MAST2: variants seen among roughly 807,000 people sequenced by gnomAD.
The protein encoded by MAST2 is microtubule associated serine/threonine kinase 2.
In MAST2, 70 loss-of-function variants were observed where a neutral mutation model predicts 147.4. The ratio of observed to expected loss-of-function variants is 0.47; its 90% CI spans 0.39 to 0.58. MAST2 has a LOEUF of 0.58. Among genes scored for constraint, MAST2 ranks in the 20% least tolerant of loss-of-function variants. MAST2 has a pLI of 0.00. For synonymous variants in MAST2, 869 were observed against 896.8 expected (o/e 0.97, Z 0.55); for missense variants, 2,080 against 2,302.3 (o/e 0.90, Z 1.98).
intron 3 of MAST2, among the ~76,000 whole-genome samples, chr1:45,874,624 G>T (rs1322617525): frequency 6.6e-6 from 1 of 152,172 alleles, no homozygotes; most frequent in East Asian, 1.9e-4. Flanking sequence ...ATAATAGTAT[G>T]AACCATTTAC....
In MAST2 at chr1:46,035,974, G is replaced by C. The variant is rs1446968425; in HGVS notation, c.5305G>C (p.Glu1769Gln). 3.7e-6 allele frequency: 6 copies of C among 1,613,936 alleles called. No individual in the cohort carries two copies. The South Asian group carries it at 6.6e-5, about 18-fold the overall frequency. The change falls in exon 29 of 29, where the codon GAG becomes CAG. Residue 1769 changes from glutamate to glutamine, a missense_variant. Glu to Gln is a conservative substitution (Grantham distance 29, BLOSUM62 2). Around this residue, in one of 4 missense-constraint regions of MAST2, gnomAD observed 1,278 missense variants for 1,304.2 expected, o/e 0.98. Coordinates refer to ENST00000361297, the MANE Select transcript of MAST2 (RefSeq NM_015112.3). The surrounding 1 kb of genome is among the most constrained non-coding windows in gnomAD (Gnocchi z 5.5). Reference protein sequence around the residue: ...CRGCPLTQKSEPSLRRGQEPG... With the variant: ...CRGCPLTQKSQPSLRRGQEPG... ...AGGCTGCCCCCTCACCCAGAAGTCTGAGCCCAGCCTCAGGAGGGGCCAAGA... is the reference window on the plus strand; with the variant it reads ...AGGCTGCCCCCTCACCCAGAAGTCTCAGCCCAGCCTCAGGAGGGGCCAAGA...
intron 4 of MAST2, among the ~76,000 whole-genome samples, chr1:45,936,406 A>G (rs1656198481): frequency 6.6e-6 from 1 of 152,072 alleles, no homozygotes; most frequent in Non-Finnish European, 1.5e-5. Context: ...TCCTATGTGG[A>G]ATAGGAGTGG....
chr1:45,904,407 C>G (rs528318014), intron 4 of MAST2, among the ~76,000 whole-genome samples: 2 of 152,254 alleles, frequency 1.3e-5, no homozygotes, highest in East Asian at 3.9e-4. Flanking sequence ...CTCCTGACTT[C>G]AGGCGATCCA....
intron 4 of MAST2, among the ~76,000 whole-genome samples, chr1:45,938,903 GT>G (rs574608821): frequency 6.1e-5 from 9 of 146,858 alleles, no homozygotes; most frequent in East Asian, 2.0e-4. Flanking sequence ...AAATCTGTTC[GT>G]TTTTTTTTTA....
chr1:45,846,549 C>T (rs776677538), intron 3 of MAST2, among the ~76,000 whole-genome samples: 4 of 152,046 alleles, frequency 2.6e-5, no homozygotes, highest in Non-Finnish European at 4.4e-5. Context: ...AGGCCAGGTG[C>T]GGTGGCTCAT....
intron 5 of MAST2, among the ~76,000 whole-genome samples, chr1:45,982,216 A>G (rs762438553): frequency 3.3e-5 from 5 of 152,258 alleles, no homozygotes; most frequent in African/African-American, 4.8e-5. Context: ...AGTAGCACAC[A>G]TTTTTAGGCC....
chr1:45,921,017 A>G (rs2148642714), intron 4 of MAST2, among the ~76,000 whole-genome samples: 1 of 152,288 alleles, frequency 6.6e-6, no homozygotes, highest in South Asian at 2.1e-4. Context: ...TTTGTTTGAG[A>G]CGGAGTCTCA....
intron 26 of MAST2, 123 bp from the exon 27 acceptor site, chr1:46,033,679 G>A (rs1646775064): frequency 7.4e-6 from 9 of 1,223,934 alleles, no homozygotes; most frequent in Admixed American, 2.2e-5. Context: ...TGGTTCAGAT[G>A]TGTTGGTGCA....
At chr1:45,977,649 A>G (rs1644224042) in intron 5 of MAST2, among the ~76,000 whole-genome samples, 1 of 151,714 alleles carries the variant, frequency 6.6e-6, no homozygotes, top group Admixed American at 6.6e-5. Flanking sequence ...AGTACAAAAA[A>G]ATTAGCCAAG....
chr1:46,034,923 TGA>T lies in MAST2; in HGVS notation c.4257_4258del (p.Lys1420GlufsTer11), dbSNP rs770631770. On this transcript the variant is annotated frameshift_variant, in exon 29 of 29. Coordinates refer to ENST00000361297, the MANE Select transcript of MAST2 (RefSeq NM_015112.3). LOFTEE classifies it low-confidence loss of function (END_TRUNC). Reference protein sequence around the residue: ...EKLAAALAASEKKLATSRKHS... With the variant: ...EKLAAALAASXKKLATSRKHS... ...AACTGGCAGCAGCACTTGCCGCCTCTGAGAAGAAGCTAGCCACTTCTCGCAAG... is the reference window on the plus strand; with the variant it reads ...AACTGGCAGCAGCACTTGCCGCCTCTGAAGAAGCTAGCCACTTCTCGCAAG... The T allele has an allele frequency of 4.3e-6, 7 of 1,614,162 alleles. No homozygotes were observed. Among genetic ancestry groups the T allele is most frequent in the Non-Finnish European group, 5.9e-6 (7 of 1,180,030 alleles).
intron 1 of MAST2, among the ~76,000 whole-genome samples, chr1:45,821,047 A>G (rs1485198941): frequency 6.6e-6 from 1 of 151,374 alleles, no homozygotes; most frequent in Non-Finnish European, 1.5e-5. Context: ...CCACAGGTAC[A>G]TGTCACCATG....
chr1:45,899,839 G>C (rs1161645721), intron 4 of MAST2, among the ~76,000 whole-genome samples: 1 of 151,752 alleles, frequency 6.6e-6, no homozygotes, highest in East Asian at 1.9e-4. Context: ...GAAAAAAAGA[G>C]CTTTACAATT....
At chr1:45,807,187 T>G (rs990631246) in intron 1 of MAST2, among the ~76,000 whole-genome samples, 1 of 152,176 alleles carries the variant, frequency 6.6e-6, no homozygotes. Flanking sequence ...TTGTTGACAT[T>G]TTTTTCTTTT....
intron 9 of MAST2, 106 bp downstream of exon 9, chr1:46,008,477 A>C (rs1453025091): frequency 1.4e-6 from 1 of 718,232 alleles, no homozygotes; most frequent in Non-Finnish European, 2.4e-6. Context: ...CTACCTCCAG[A>C]GATAACCAAG....
At chr1:45,872,954 G>A (rs1336745737) in intron 3 of MAST2, among the ~76,000 whole-genome samples, 1 of 152,136 alleles carries the variant, frequency 6.6e-6, no homozygotes, top group East Asian at 1.9e-4. Context: ...ATTACTTAAA[G>A]TTCTTTGGGA....
intron 3 of MAST2, among the ~76,000 whole-genome samples, chr1:45,854,495 C>T (rs747398630): frequency 6.6e-6 from 1 of 152,130 alleles, no homozygotes; most frequent in South Asian, 2.1e-4. Flanking sequence ...TGATTCCTTA[C>T]ACTTACTGTT....
At chr1:46,008,433 C>A in intron 9 of MAST2, 62 bp downstream of exon 9, 1 of 1,045,624 alleles carries the variant, frequency 9.6e-7, no homozygotes, top group Non-Finnish European at 1.5e-6. Context: ...ACAGCCAGCC[C>A]CAATGGGAGA....
Position 46,032,418 on chromosome 1 carries a change from T to G in MAST2, c.3414+14T>G. 1 of 1,612,672 alleles carries G rather than the reference T, an allele frequency of 6.2e-7. No individual in the cohort carries two copies. The highest frequency in any genetic ancestry group is 8.5e-7 in the Non-Finnish European group (1 of 1,178,788). On this transcript the variant is annotated intron_variant, in intron 25 of 28. Transcript: ENST00000361297. Reference sequence around the variant, plus strand: ...CATATGGTGTGGGTATGTCTGACCATCCAGACCTGCTGTCTCCCTGCTTCA... The same window carrying G: ...CATATGGTGTGGGTATGTCTGACCAGCCAGACCTGCTGTCTCCCTGCTTCA...
In MAST2 at chr1:46,034,544, G is replaced by A; in HGVS notation, c.3875G>A (p.Gly1292Glu). 2 of 1,612,702 alleles carry A rather than the reference G, an allele frequency of 1.2e-6. No individual in the cohort carries two copies. The highest frequency in any genetic ancestry group is 1.7e-6 in the Non-Finnish European group (2 of 1,179,346). ...VTPDAVHSVG[G>E]NSSQSSSPSS... ...TGTCTGTCTCTGTACAAAGTGGGAGGGAATTCATCACAGAGCAGCTCCCCC... is the reference window on the plus strand; with the variant it reads ...TGTCTGTCTCTGTACAAAGTGGGAGAGAATTCATCACAGAGCAGCTCCCCC... The change falls in exon 29 of 29, where the codon GGG becomes GAG. Residue 1292 changes from glycine to glutamate, a missense_variant. Transcript: ENST00000361297.
Sources: allele counts gnomAD v4.1 joint callset (sites outside exome capture counted in the v4.1 genomes callset), GRCh38; gene constraint gnomAD v4.1.1; regional missense constraint gnomAD v4.1.1; non-coding constraint Gnocchi (gnomAD v3.1); transcripts MANE v1.5; gene names NCBI Gene and HGNC (gene_info 2026-07-23, HGNC 2026-07-21).